KRT7: variants seen among roughly 807,000 people sequenced by gnomAD.
The protein encoded by KRT7 is keratin, type II cytoskeletal 7.
In KRT7, 50 loss-of-function variants were observed where a neutral mutation model predicts 42.8. The ratio of observed to expected loss-of-function variants is 1.17; its 90% confidence interval spans 0.93 to 1.48. The LOEUF (loss-of-function observed/expected upper bound fraction) is 1.48, where lower values mean the gene tolerates loss of function less well. KRT7 is among the 40% of genes most tolerant of loss of function. The pLI, the probability that KRT7 is intolerant of heterozygous loss-of-function variation, is 0.00. For missense variants in KRT7, 588 were observed against 637.6 expected (o/e 0.92, Z 0.84); for synonymous variants, 268 against 266.3 (o/e 1.01, Z -0.06).
chr12:52,236,378 C>A (rs1174542566), intron 2 of KRT7, among the ~76,000 whole-genome samples: 4 of 151,482 alleles, frequency 2.6e-5, no homozygotes. Context: ...ACTCCCCCCA[C>A]CCCAAACCCT....
rs1942030737 is a variant in KRT7, at chr12:52,237,693, G to A, written c.597+124G>A. The A allele has an allele frequency of 4.5e-6, 3 of 670,364 alleles. No homozygotes were observed. In the African/African-American group the frequency reaches 5.5e-5, roughly 12 times the overall value. 41.5% of individuals were successfully genotyped at this position (670,364 alleles called of 1,614,324 possible). A position where few individuals can be genotyped will look rare whatever the true frequency, so the allele number is the denominator to read the frequency against. On this transcript the variant is annotated intron_variant, in intron 3 of 8. Transcript: ENST00000331817. ...AAGGCCTGCCTGAGCTGTCCAAGAG[G>A]AAGTCTGCACAGCCTGTCCTGTGGG...
intron 2 of KRT7, among the ~76,000 whole-genome samples, chr12:52,236,362 C>T (rs1942012733): frequency 1.3e-5 from 2 of 151,868 alleles, no homozygotes; most frequent in Non-Finnish European, 1.5e-5. Flanking sequence ...TGGTGCCCAC[C>T]CCCATACTCC....
At position 52,233,544 on chromosome 12, in the gene KRT7, C is replaced by A; in HGVS notation, c.248C>A (p.Ser83Tyr). 6.2e-7 allele frequency: 1 copy of A among 1,613,326 alleles called. No homozygotes were observed. The highest frequency in any genetic ancestry group is 8.5e-7 in the Non-Finnish European group (1 of 1,179,842). ...LAPLRLDADP[S>Y]LQRVRQEESE... ...CCGCTGCGGCTGGACGCCGACCCCT[C>A]CCTCCAGCGGGTGCGCCAGGAGGAG... Residue 83 changes from serine to tyrosine, a missense_variant, in exon 1 of 9, where the codon TCC (serine) becomes TAC (tyrosine). Ser to Tyr is a moderately radical substitution (Grantham distance 144, BLOSUM62 -2). Coordinates refer to ENST00000331817, the MANE Select transcript of KRT7 (RefSeq NM_005556.4).
At chr12:52,242,333 C>T (rs1942104869) in intron 5 of KRT7, among the ~76,000 whole-genome samples, 1 of 152,190 alleles carries the variant, frequency 6.6e-6, no homozygotes, top group Non-Finnish European at 1.5e-5. Context: ...ATTTGCCTAA[C>T]TGCATACAGC....
At chr12:52,241,366 C>T (rs1001094111) in intron 4 of KRT7, 106 bp from the exon 5 acceptor site, 25 of 1,045,912 alleles carry the variant, frequency 2.4e-5, no homozygotes, top group Non-Finnish European at 3.5e-5. Flanking sequence ...ACTCAGCCCA[C>T]TCCCAGCTGT....
At chr12:52,240,968 C>T (rs28517438) in intron 4 of KRT7, among the ~76,000 whole-genome samples, 30,216 of 149,786 alleles carry the variant, frequency 0.2, 3,260 homozygotes, top group Middle Eastern at 0.27. Flanking sequence ...TGTTCCCCGC[C>T]CTGTGCCCAA....
At chr12:52,243,813 G>A (rs1181446453) in intron 6 of KRT7, among the ~76,000 whole-genome samples, 1 of 152,216 alleles carries the variant, frequency 6.6e-6, no homozygotes, top group East Asian at 1.9e-4. Flanking sequence ...TCTCTGAAAT[G>A]TTCTGTCTTA....
chr12:52,249,802 C>T (rs138891430), downstream of KRT7, among the ~76,000 whole-genome samples: 1,053 of 152,066 alleles, frequency 6.9e-3, 10 homozygotes, highest in African/African-American at 0.023. Flanking sequence ...GATGTGTTGG[C>T]TTCTGGGAGG....
In KRT7 at chr12:52,237,489, C is replaced by G. The variant is rs200309534; in HGVS notation, c.537-20C>G. ...CATGGAGGCAAAGCTGCATCAACAC[C>G]AGGCCCTCCTCTACTGTAGGTACGA... is the stretch of plus-strand genomic sequence containing the variant. On this transcript the variant is annotated intron_variant, in intron 2 of 8. Transcript: ENST00000331817. 3.6e-4 allele frequency: 580 copies of G among 1,591,946 alleles called. No homozygotes were observed. The highest frequency in any genetic ancestry group is 5.3e-4 in the Admixed American group (31 of 58,858).
At position 52,237,385 on chromosome 12, in the gene KRT7, T is replaced by C. The variant is rs1942024857; in HGVS notation, c.537-124T>C. 7.8e-6 allele frequency: 5 copies of C among 638,366 alleles called. No homozygotes were observed. In the South Asian group the frequency reaches 1.5e-4, roughly 19 times the overall value. The allele number at this position is 638,366 out of a possible 1,614,324, so 39.5% of individuals were successfully genotyped here. Reference sequence around the variant, plus strand: ...TGGTTTTGTAGCTGACACCTGTTTTTTCAGGTGTGTCTTTAAAGAGTAGGG... The same window carrying C: ...TGGTTTTGTAGCTGACACCTGTTTTCTCAGGTGTGTCTTTAAAGAGTAGGG... On this transcript the variant is annotated intron_variant, in intron 2 of 8. Transcript: ENST00000331817.
chr12:52,255,432 C>T, downstream of KRT7: 1 of 456,746 alleles, frequency 2.2e-6, no homozygotes, highest in South Asian at 1.5e-5. Context: ...ACACACAAGG[C>T]TCAGATCTGG....
At chr12:52,254,431 C>T (rs529594538), downstream of KRT7, 46 of 573,874 alleles carry the variant, frequency 8.0e-5, no homozygotes, top group Non-Finnish European at 1.3e-4. Context: ...TTTTTTCCTA[C>T]CAGGGAGGGG....
Position 52,248,911 on chromosome 12 carries a change from T to A in KRT7, c.*151T>A. 1.5e-6 allele frequency: 1 copy of A among 683,678 alleles called. No individual in the cohort carries two copies. Among genetic ancestry groups the A allele is most frequent in the Non-Finnish European group, 2.2e-6 (1 of 461,044 alleles). 42.4% of individuals were successfully genotyped at this position (683,678 alleles called of 1,614,324 possible). A position where few individuals can be genotyped will look rare whatever the true frequency, so the allele number is the denominator to read the frequency against. ...AATAAAGCAGCCTCATTCTGAGGCC[T>A]GAGTGATCCACGTGCCTGGTATCCT... On this transcript the variant is annotated 3_prime_UTR_variant, in exon 9 of 9. Coordinates refer to ENST00000331817, the MANE Select transcript of KRT7 (RefSeq NM_005556.4).
rs776188044 is a variant in KRT7 at position 52,238,794 on chromosome 12, G to A, written c.693+19G>A. The A allele has an allele frequency of 8.8e-6, 13 of 1,482,052 alleles. No homozygotes were observed. Among genetic ancestry groups the A allele is most frequent in the Non-Finnish European group, 1.2e-5 (13 of 1,059,540 alleles). The allele number at this position is 1,482,052 out of a possible 1,614,324, so 91.8% of individuals were successfully genotyped here. ...TGAGACGGTGAGGACCATGGAGCTG[G>A]GTGACATGTCTTATCCTACCCATTC... On this transcript the variant is annotated intron_variant, in intron 4 of 8. Coordinates refer to ENST00000331817, the MANE Select transcript of KRT7 (RefSeq NM_005556.4).
intron 1 of KRT7, 28 bp from the exon 2 acceptor site, chr12:52,235,127 T>G: frequency 6.2e-7 from 1 of 1,611,112 alleles, no homozygotes; most frequent in Non-Finnish European, 8.5e-7. Context: ...TGGCTCCTCT[T>G]GAGTTTCCTC....
At chr12:52,235,892 G>C (rs1942005623) in intron 2 of KRT7, among the ~76,000 whole-genome samples, 1 of 152,222 alleles carries the variant, frequency 6.6e-6, no homozygotes, top group South Asian at 2.1e-4. Flanking sequence ...CAAAGAAGCA[G>C]AGAGGGAAAA....
chr12:52,233,258 C>T lies in KRT7; in HGVS notation c.-39C>T, dbSNP rs369659952. 6.2e-5 allele frequency: 90 copies of T among 1,456,626 alleles called. No individual in the cohort carries two copies. The African/African-American group carries it at 1.2e-3, about 19-fold the overall frequency. 90.2% of individuals were successfully genotyped at this position (1,456,626 alleles called of 1,614,324 possible). ...CCCCGAGGTCAGCGAGTGCGCGCTCCTCCTCGCCCGCCGCTAGGTCCATCC... is the reference window on the plus strand; with the variant it reads ...CCCCGAGGTCAGCGAGTGCGCGCTCTTCCTCGCCCGCCGCTAGGTCCATCC... On this transcript the variant is annotated 5_prime_UTR_variant, in exon 1 of 9. Coordinates refer to ENST00000331817, the MANE Select transcript of KRT7 (RefSeq NM_005556.4).
chr12:52,252,975 G>C (rs187307302), downstream of KRT7, among the ~76,000 whole-genome samples: 42 of 152,292 alleles, frequency 2.8e-4, no homozygotes, highest in Admixed American at 2.3e-3. Context: ...CTGCCCCTTA[G>C]ACTGGTGCTA....
downstream of KRT7, chr12:52,253,896 T>C (rs1402034930): frequency 1.5e-5 from 6 of 408,862 alleles, no homozygotes. Context: ...CCAGTTACAG[T>C]CTTCCACCTC....
Sources: gnomAD v4.1 joint callset for allele counts (sites outside exome capture counted in the v4.1 genomes callset) on GRCh38, gnomAD v4.1.1 for gene constraint, MANE v1.5 for transcripts, NCBI Gene and HGNC (gene_info 2026-07-23, HGNC 2026-07-21) for gene names.